The following BLTP2 variants were observed in gnomAD, a reference collection of about 807,000 sequenced individuals.
BLTP2 encodes U937-associated antigen.
the BLTP2 span, chr17:28,637,235 C>T: frequency 2.0e-4 from 253 of 1,262,016 alleles, no homozygotes; most frequent in Non-Finnish European, 1.8e-4. Context: ...AGTCCTCACT[C>T]GCCTTTCTCA....
chr17:28,619,807 C>T, the BLTP2 span: 2,087 of 1,613,846 alleles, frequency 1.3e-3, 5 homozygotes, highest in Middle Eastern at 9.9e-3. Flanking sequence ...TGAGAGACCG[C>T]CCTCGTTCTA....
chr17:28,639,493 G>C, the BLTP2 span: 1 of 1,613,536 alleles, frequency 6.2e-7, no homozygotes. Context: ...GTGGGTTTGG[G>C]TTTTATTTCA....
the BLTP2 span, chr17:28,615,566 A>G: frequency 9.5e-6 from 14 of 1,471,292 alleles, no homozygotes; most frequent in South Asian, 1.3e-5. Context: ...CCCCTTCCCA[A>G]GGATATTTAT....
chr17:28,637,059 A>T, the BLTP2 span: 1 of 1,614,070 alleles, frequency 6.2e-7, no homozygotes, highest in African/African-American at 1.3e-5. Flanking sequence ...ACAGGGTTGC[A>T]TCTTCTCCGT....
the BLTP2 span, among the ~76,000 whole-genome samples, chr17:28,623,578 T>C: frequency 9.1e-6 from 1 of 110,420 alleles, no homozygotes; most frequent in Non-Finnish European, 1.6e-5. Context: ...TAGAACACCA[T>C]GAGGAAAAAA....
At chr17:28,617,361 C>T in the BLTP2 span, 1 of 1,444,432 alleles carries the variant, frequency 6.9e-7, no homozygotes, top group African/African-American at 1.4e-5. Flanking sequence ...ATAAACCTTT[C>T]TCAGAAGTCT....
At chr17:28,618,585 T>C in the BLTP2 span, 2 of 457,646 alleles carry the variant, frequency 4.4e-6, no homozygotes, top group South Asian at 4.2e-5. Context: ...ATCAGAGCTA[T>C]ATGTGTATCA....
chr17:28,615,675 G>A, the BLTP2 span: 5 of 1,614,020 alleles, frequency 3.1e-6, no homozygotes, highest in South Asian at 5.5e-5. Context: ...TGGGCAACCA[G>A]GGCTTTGCGG....
the BLTP2 span, among the ~76,000 whole-genome samples, chr17:28,636,106 T>C: frequency 6.6e-6 from 1 of 152,238 alleles, no homozygotes; most frequent in African/African-American, 2.4e-5. Context: ...ATATGGCAGC[T>C]GACTTACGTA....
the BLTP2 span, among the ~76,000 whole-genome samples, chr17:28,630,474 T>TG: frequency 4.1e-5 from 6 of 145,850 alleles, no homozygotes; most frequent in South Asian, 2.3e-4. Context: ...TGTTTTTTTT[T>TG]TTTTTTTTTT....
chr17:28,633,099 C>T, the BLTP2 span: 5 of 1,590,604 alleles, frequency 3.1e-6, no homozygotes, highest in Non-Finnish European at 4.3e-6. Context: ...TCCCATGGCA[C>T]AGCCACTGCA....
At chr17:28,635,276 G>C in the BLTP2 span, 1 of 1,614,186 alleles carries the variant, frequency 6.2e-7, no homozygotes, top group Non-Finnish European at 8.5e-7. Context: ...GCCAGCTCTG[G>C]ACAGTATGCC....
chr17:28,642,987 G>A, the BLTP2 span: 2 of 1,573,094 alleles, frequency 1.3e-6, no homozygotes, highest in Admixed American at 1.7e-5. Context: ...ATGGAGAATA[G>A]CTGGAAGGAA....
At chr17:28,638,139 C>T in the BLTP2 span, 1 of 1,604,928 alleles carries the variant, frequency 6.2e-7, no homozygotes, top group Non-Finnish European at 8.5e-7. Flanking sequence ...TGCAGGCGCA[C>T]AGTTTTATAA....
chr17:28,620,877 G>T, the BLTP2 span: 1 of 1,051,928 alleles, frequency 9.5e-7, no homozygotes, highest in South Asian at 1.5e-5. Flanking sequence ...AAATGTTAAT[G>T]CCAGTGCACA....
At chr17:28,634,735 C>T in the BLTP2 span, 9,461 of 1,614,086 alleles carry the variant, frequency 5.9e-3, 38 homozygotes, top group Non-Finnish European at 7.1e-3. Flanking sequence ...ATAGAGACGA[C>T]GGGAACGCTG....
the BLTP2 span, chr17:28,633,934 T>TG: frequency 6.2e-7 from 1 of 1,614,094 alleles, no homozygotes; most frequent in Non-Finnish European, 8.5e-7. Context: ...GGCATGTTCC[T>TG]CTCCACTGCC....
At chr17:28,624,516 A>C in the BLTP2 span, 2 of 721,620 alleles carry the variant, frequency 2.8e-6, no homozygotes, top group Non-Finnish European at 4.3e-6. Context: ...ACATCCTCCC[A>C]AACCTAAAAC....
the BLTP2 span, chr17:28,642,378 G>A: frequency 8.3e-4 from 1,305 of 1,578,006 alleles, 5 homozygotes; most frequent in Middle Eastern, 5.2e-3. Context: ...CTTGCCGGGC[G>A]CGGTGGCTCA....
Sources: allele counts gnomAD v4.1 joint callset (sites outside exome capture counted in the v4.1 genomes callset), GRCh38; gene constraint gnomAD v4.1.1; transcripts MANE v1.5; gene names NCBI Gene and HGNC (gene_info 2026-07-23, HGNC 2026-07-21).